The following TRIO variants were observed in gnomAD, a reference collection of about 807,000 sequenced individuals.
TRIO encodes trio Rho guanine nucleotide exchange factor, also known as triple functional domain protein.
Under a neutral mutation model 351.9 loss-of-function variants are expected in TRIO, and 58 were observed. The observed-to-expected ratio is 0.16, with a 90% CI of 0.13 to 0.21. The LOEUF is 0.21. TRIO is among the 10% of genes least tolerant of loss of function. The probability of loss-of-function intolerance (pLI) is 1.00; values close to 1 mark genes in which losing one functional copy is unlikely to be tolerated. For synonymous variants in TRIO, 1,758 were observed against 1,595.7 expected, an observed-to-expected ratio of 1.10 and a Z score of -2.42; for missense variants, 3,201 against 4,027.8, an observed-to-expected ratio of 0.79 and a Z score of 5.56.
intron 1 of TRIO, chr5:14,184,023 G>T: frequency 1.4e-6 from 1 of 693,950 alleles, no homozygotes; most frequent in Admixed American, 2.0e-5. Flanking sequence ...TGTGTGGCTC[G>T]AGGGTTTCTC....
chr5:14,257,467 T>C (rs1795090117), intron 1 of TRIO, among the ~76,000 whole-genome samples: 1 of 152,202 alleles, frequency 6.6e-6, no homozygotes, highest in Non-Finnish European at 1.5e-5. Flanking sequence ...GTGGTTTTTT[T>C]GGCTCATGTG....
intron 53 of TRIO, among the ~76,000 whole-genome samples, chr5:14,501,782 G>A (rs1367889202): frequency 2.6e-5 from 4 of 152,194 alleles, no homozygotes; most frequent in Non-Finnish European, 5.9e-5. Flanking sequence ...CCGAAAGAGG[G>A]GAGAGGAAAC....
chr5:14,267,525 G>A (rs1383386434), intron 1 of TRIO, among the ~76,000 whole-genome samples: 2 of 152,164 alleles, frequency 1.3e-5, no homozygotes, highest in Non-Finnish European at 2.9e-5. Context: ...AGTCTTATCT[G>A]CTGTGTAATC....
chr5:14,419,131 C>G (rs1011830583), intron 33 of TRIO, among the ~76,000 whole-genome samples: 1 of 152,070 alleles, frequency 6.6e-6, no homozygotes, highest in Admixed American at 6.5e-5. Flanking sequence ...GGAAACGAGC[C>G]GATGTCTGCA....
chr5:14,233,703 A>C (rs978647643), intron 1 of TRIO, among the ~76,000 whole-genome samples: 24 of 152,068 alleles, frequency 1.6e-4, no homozygotes, highest in African/African-American at 5.8e-4. Context: ...ACGCCTGGCT[A>C]ATTAAAAATA....
Position 14,461,306 on chromosome 5 carries a change from G to A in TRIO, c.5491G>A (p.Glu1831Lys), listed in dbSNP as rs1222242178. 6.4e-7 allele frequency: 1 copy of A among 1,570,536 alleles called. No homozygotes were observed. Among genetic ancestry groups the A allele is most frequent in the Non-Finnish European group, 8.6e-7 (1 of 1,157,792 alleles). Residue 1831 changes from glutamate (E) to lysine (K), a missense_variant, in exon 35 of 57, where the codon GAG becomes AAG. Physicochemically the swap from Glu to Lys is moderately conservative, Grantham distance 56. This residue lies in a region of TRIO where 193 missense variants were observed against 218.8 expected (regional missense o/e 0.88). Coordinates refer to ENST00000344204, the MANE Select transcript of TRIO (RefSeq NM_007118.4). ...GGCCACCCCGCAGGACGAGACGGTC[G>A]AGGAGGTGAGGCTCTGCCCGCTGGT... ...SAATPQDETV[E>K]ERGRNEGLSS...
chr5:14,479,446 T>C lies in TRIO; in HGVS notation c.6243+96T>C, dbSNP rs1755351469. On this transcript the variant is annotated intron_variant, in intron 42 of 56. Coordinates refer to ENST00000344204, the MANE Select transcript of TRIO (RefSeq NM_007118.4). ...ATCATTGGTTTCCCAGGAGACTAAT[T>C]TCCAAAGAAAATTAGCCTGAGTGAT... The C allele has an allele frequency of 3.6e-6, 4 of 1,115,958 alleles. No individual in the cohort carries two copies. In the Admixed American group the frequency reaches 7.4e-5, roughly 21 times the overall value. 69.1% of individuals were successfully genotyped at this position (1,115,958 alleles called of 1,614,324 possible).
intron 34 of TRIO, among the ~76,000 whole-genome samples, chr5:14,435,026 G>C (rs1006334985): frequency 6.6e-6 from 1 of 152,212 alleles, no homozygotes; most frequent in Non-Finnish European, 1.5e-5. Flanking sequence ...TCACGTCAGG[G>C]GTACAGGGTA....
chr5:14,419,828 C>T lies in TRIO; in HGVS notation c.5010C>T (p.Cys1670=), dbSNP rs1802484. 224 of 1,614,094 alleles carry T rather than the reference C, an allele frequency of 1.4e-4. No homozygotes were observed. The highest frequency in any genetic ancestry group is 1.2e-4 in the Non-Finnish European group (145 of 1,180,052). Residue 1670 remains cysteine, a synonymous_variant, in exon 34 of 57, where the codon TGC becomes TGT. Coordinates refer to ENST00000344204, the MANE Select transcript of TRIO (RefSeq NM_007118.4). ...TGGTGATCCATGACTTCACCGCTTG[C>T]AACAGCAACGAGCTGACCATCCGAC... ...LTVVIHDFTA[C]NSNELTIRRG... is the part of the protein sequence containing the mutation.
intron 6 of TRIO, among the ~76,000 whole-genome samples, chr5:14,296,685 G>A (rs1215064632): frequency 6.6e-6 from 1 of 152,172 alleles, no homozygotes; most frequent in East Asian, 1.9e-4. Flanking sequence ...AAAAACCAGA[G>A]CGCTGGGTCC....
intron 34 of TRIO, among the ~76,000 whole-genome samples, chr5:14,447,485 T>C (rs1368923192): frequency 2.0e-5 from 3 of 152,220 alleles, no homozygotes; most frequent in Non-Finnish European, 2.9e-5. Flanking sequence ...GAGAAATCAT[T>C]CACCTCCTGA....
At chr5:14,243,349 T>C (rs1794243894) in intron 1 of TRIO, among the ~76,000 whole-genome samples, 1 of 152,210 alleles carries the variant, frequency 6.6e-6, no homozygotes, top group Middle Eastern at 3.4e-3. Context: ...TTAAATTTGA[T>C]TAAAGATTAT....
intron 27 of TRIO, among the ~76,000 whole-genome samples, chr5:14,392,582 ACAC>A (rs1352911631): frequency 6.6e-6 from 1 of 152,260 alleles, no homozygotes; most frequent in Non-Finnish European, 1.5e-5. Context: ...TACTGGGTAT[ACAC>A]CCAAAGGATT....
At chr5:14,277,161 C>A (rs888545600) in intron 2 of TRIO, among the ~76,000 whole-genome samples, 8 of 152,134 alleles carry the variant, frequency 5.3e-5, no homozygotes, top group Admixed American at 1.3e-4. Flanking sequence ...GATGTTTGCC[C>A]TCATGGAGCT....
chr5:14,428,860 A>G (rs2152395827), intron 34 of TRIO, among the ~76,000 whole-genome samples: 1 of 152,272 alleles, frequency 6.6e-6, no homozygotes, highest in South Asian at 2.1e-4. Flanking sequence ...CGTGGGAAAA[A>G]TGAGACGGGC....
chr5:14,487,315 T>G, intron 47 of TRIO, 149 bp from the exon 48 acceptor site: 1 of 968,818 alleles, frequency 1.0e-6, no homozygotes, highest in East Asian at 9.1e-5. Context: ...CAGGGGCCTC[T>G]TCTAGCTCTC....
chr5:14,181,407 G>A (rs549468418), intron 1 of TRIO, among the ~76,000 whole-genome samples: 1 of 152,220 alleles, frequency 6.6e-6, no homozygotes, highest in Non-Finnish European at 1.5e-5. Context: ...ATCTGTCACC[G>A]TCATCTGTTG....
intron 38 of TRIO, among the ~76,000 whole-genome samples, chr5:14,471,996 T>A (rs565368664): frequency 6.6e-6 from 1 of 151,590 alleles, no homozygotes; most frequent in Non-Finnish European, 1.5e-5. Flanking sequence ...CCTCCGATGG[T>A]GTTGGGCACA....
chr5:14,228,299 CAAAG>C (rs1169815816), intron 1 of TRIO, among the ~76,000 whole-genome samples: 2 of 152,062 alleles, frequency 1.3e-5, no homozygotes, highest in African/African-American at 4.8e-5. Flanking sequence ...GTACCTGTGA[CAAAG>C]AAAAAACCAT....
Sources: allele counts gnomAD v4.1 joint callset (sites outside exome capture counted in the v4.1 genomes callset), GRCh38; gene constraint gnomAD v4.1.1; regional missense constraint gnomAD v4.1.1; transcripts MANE v1.5; gene names NCBI Gene and HGNC (gene_info 2026-07-23, HGNC 2026-07-21).